MRPL23: variants seen among roughly 807,000 people sequenced by gnomAD.
MRPL23 encodes mitochondrial ribosomal protein L23, also known as large ribosomal subunit protein uL23m.
For missense variants in MRPL23, 25 were observed against 81.3 expected (o/e 0.31, Z 2.66); for synonymous variants, 12 against 34.8 (o/e 0.35, Z 2.30).
At chr11:1,984,008 T>TG (rs1364047609) in intron 5 of MRPL23, 1 of 105,272 alleles carries the variant, frequency 9.5e-6, no homozygotes, top group Non-Finnish European at 2.1e-5. Flanking sequence ...CCAGGTGCAC[T>TG]GGGGGATCCT....
At position 1,971,068 on chromosome 11, in the gene MRPL23, C is replaced by T. The variant is rs180871084; in HGVS notation, c.298-1491C>T. On this transcript the variant is annotated intron_variant, in intron 4 of 4. Coordinates refer to the MRPL23 transcript ENST00000397294. ...CTTTGCTCCTCTGCACCCTCACGTC[C>T]ACCACTCGTCCCTGTCCTCCCGGGG... 2.1e-3 allele frequency among the ~76,000 whole-genome samples: 298 copies of T among 143,974 alleles called. 21 individuals carry two copies. Among genetic ancestry groups the T allele is most frequent in the Admixed American group, 6.1e-3 (87 of 14,314 alleles). 94.5% of individuals were successfully genotyped at this position (143,974 alleles called of 152,430 possible).
chr11:1,994,524 G>T, the MRPL23 span, among the ~76,000 whole-genome samples: 31 of 96,172 alleles, frequency 3.2e-4, 6 homozygotes, highest in African/African-American at 8.5e-4. Context: ...TGGTCCCCTG[G>T]CCTCCTTAGG....
intron 4 of MRPL23, among the ~76,000 whole-genome samples, chr11:1,968,605 TCA>T (rs34926467): frequency 0.26 from 37,396 of 142,010 alleles, 7,100 homozygotes; most frequent in Admixed American, 0.34. Context: ...GGCCTGGGCC[TCA>T]CACGCTGGAC....
Position 1,978,453 on chromosome 11 carries a change from AAAAG to A in MRPL23, c.497+5699_497+5702del, listed in dbSNP as rs1427271502. 5.0e-5 allele frequency among the ~76,000 whole-genome samples: 7 copies of A among 140,238 alleles called. 1 individual carries two copies. The highest frequency in any genetic ancestry group is 1.1e-4 in the Non-Finnish European group (7 of 62,876). 92.0% of individuals were successfully genotyped at this position (140,238 alleles called of 152,430 possible). On this transcript the variant is annotated intron_variant, in intron 5 of 5. Transcript: ENST00000397297. ...GGATAGTTGAGGGCTGGAAAAAAGA[AAAAG>A]AAAAGAAAAGAAGTCCCGGCTCGGT...
chr11:1,992,415 A>G, the MRPL23 span: 1 of 86,538 alleles, frequency 1.2e-5, no homozygotes, highest in Non-Finnish European at 3.1e-5. Flanking sequence ...TAACTGGATG[A>G]CTTGGTCTTC....
chr11:1,992,713 T>TG, the MRPL23 span, among the ~76,000 whole-genome samples: 1 of 65,528 alleles, frequency 1.5e-5, no homozygotes, highest in Non-Finnish European at 3.7e-5. Flanking sequence ...CTTTGGGTGT[T>TG]GGGGTGCCTG....
chr11:1,984,249 C>T (rs990644522), intron 5 of MRPL23: 2 of 13,312 alleles, frequency 1.5e-4, no homozygotes, highest in African/African-American at 4.2e-4. Context: ...GGAGCTGGTG[C>T]CCGTGATATC....
intron 4 of MRPL23, among the ~76,000 whole-genome samples, chr11:1,971,143 T>G (rs1302279575): frequency 6.9e-6 from 1 of 143,892 alleles, no homozygotes; most frequent in East Asian, 2.0e-4. Flanking sequence ...CCATCTGTCT[T>G]TCCCCAATGC....
At chr11:1,949,737 GCCCCTGTGCTCCC>G (rs1856269465) in intron 1 of MRPL23, 1 of 11,576 alleles carries the variant, frequency 8.6e-5, no homozygotes, top group Non-Finnish European at 1.5e-4. Flanking sequence ...CCCCTCAAGA[GCCCCTGTGCTCCC>G]CGTCCACCAA....
At chr11:1,981,674 C>G (rs117168560) in intron 5 of MRPL23, among the ~76,000 whole-genome samples, 1 of 141,684 alleles carries the variant, frequency 7.1e-6, no homozygotes, top group Non-Finnish European at 1.6e-5. Flanking sequence ...GGCCTTCCCA[C>G]GGGTCCCTCT....
the MRPL23 span, chr11:1,993,317 C>T: frequency 1.2e-4 from 11 of 93,204 alleles, 3 homozygotes; most frequent in African/African-American, 2.4e-4. Flanking sequence ...GAGATGTGGA[C>T]GTGTCCAGCA....
At chr11:1,994,173 G>GCA in the MRPL23 span, among the ~76,000 whole-genome samples, 1 of 81,998 alleles carries the variant, frequency 1.2e-5, no homozygotes, top group Admixed American at 1.2e-4. Flanking sequence ...TGGGAATGGG[G>GCA]GTGGAAGGCA....
rs1047007123 is a variant in MRPL23 at position 1,971,261 on chromosome 11, C to T, written c.298-1298C>T. ...GCCCGAAGCCAGCCCTTCCACCCAG[C>T]GCCCCTCCACCTTCCAGCCACACAG... On this transcript the variant is annotated intron_variant, in intron 4 of 4. Transcript: ENST00000397294. Among the ~76,000 whole-genome samples the T allele has an allele frequency of 5.5e-5, 6 of 109,238 alleles. 1 individual carries two copies. Among genetic ancestry groups the T allele is most frequent in the African/African-American group, 7.9e-5 (3 of 38,074 alleles). The allele number at this position is 109,238 out of a possible 152,430, so 71.7% of individuals were successfully genotyped here.
chr11:1,954,050 G>GA (rs1384785117), intron 4 of MRPL23, among the ~76,000 whole-genome samples: 2 of 107,698 alleles, frequency 1.9e-5, no homozygotes, highest in Non-Finnish European at 3.9e-5. Context: ...GTTACAAGTG[G>GA]CATTCAAGTC....
chr11:1,955,927 G>GC (rs202177605), intron 4 of MRPL23: 252 of 10,622 alleles, frequency 0.024, 8 homozygotes, highest in Non-Finnish European at 0.03. Context: ...CCTTGTTTCT[G>GC]CCCCCCACCA....
the MRPL23 span, among the ~76,000 whole-genome samples, chr11:1,991,511 C>A: frequency 1.4e-5 from 1 of 71,342 alleles, no homozygotes; most frequent in Non-Finnish European, 3.7e-5. Context: ...GTCACAAGAT[C>A]TCCACTCAGG....
In MRPL23 at chr11:1,978,976, GC is replaced by G. The variant is rs1285971644; in HGVS notation, c.498-5458del. Among the ~76,000 whole-genome samples, 18 of 139,062 alleles carry G rather than the reference GC, an allele frequency of 1.3e-4. 3 individuals are homozygous for G. The Admixed American group carries it at 1.3e-3, about 10-fold the overall frequency. 91.2% of individuals were successfully genotyped at this position (139,062 alleles called of 152,430 possible). A position where few individuals can be genotyped will look rare whatever the true frequency, so the allele number is the denominator to read the frequency against. On this transcript the variant is annotated intron_variant, in intron 5 of 5. Transcript: ENST00000397297. ...TGCTCACCCATGCGGGAAGGCTGTG[GC>G]CCCGGGGACCCGCATGTCCTCCAGA...
chr11:1,991,655 A>T, the MRPL23 span, among the ~76,000 whole-genome samples: 1 of 136,468 alleles, frequency 7.3e-6, no homozygotes, highest in Non-Finnish European at 1.7e-5. Flanking sequence ...CCTGAGACCC[A>T]GCCGGGGTCC....
the MRPL23 span, chr11:1,992,406 A>G: frequency 2.2e-5 from 2 of 89,126 alleles, 1 homozygote; most frequent in Admixed American, 2.3e-4. Context: ...CCTCTTCTCT[A>G]ACTGGATGAC....
Sources: allele counts gnomAD v4.1 joint callset (sites outside exome capture counted in the v4.1 genomes callset), GRCh38; gene constraint gnomAD v4.1.1; transcripts MANE v1.5; gene names NCBI Gene and HGNC (gene_info 2026-07-23, HGNC 2026-07-21).